The following BAZ2B variants were observed in gnomAD, a reference collection of about 807,000 sequenced individuals.
BAZ2B encodes bromodomain adjacent to zinc finger domain 2B, also known as bromodomain adjacent to zinc finger domain protein 2B.
Under a neutral mutation model 246.0 loss-of-function variants are expected in BAZ2B, and 91 were observed. The ratio of observed to expected loss-of-function variants is 0.37; its 90% CI spans 0.31 to 0.44. The LOEUF is 0.44. BAZ2B is among the 20% of genes least tolerant of loss of function. BAZ2B has a pLI of 1.00. For synonymous variants in BAZ2B, 855 were observed against 860.0 expected, an observed-to-expected ratio of 0.99 and a Z score of 0.10; for missense variants, 2,332 against 2,533.7, an observed-to-expected ratio of 0.92 and a Z score of 1.71.
rs771062641 is a variant in BAZ2B, at chr2:159,395,773, G to A, written c.3071C>T (p.Ala1024Val). The A allele has an allele frequency of 1.9e-6, 3 of 1,608,430 alleles. No homozygotes were observed. Among genetic ancestry groups the A allele is most frequent in the Non-Finnish European group, 2.6e-6 (3 of 1,176,206 alleles). Residue 1024 changes from alanine (A) to valine (V), a missense_variant, in exon 20 of 37, where the codon GCA becomes GTA. Ala to Val is a moderately conservative substitution (Grantham distance 64, BLOSUM62 0). Transcript: ENST00000392783. The stretch of plus-strand genomic sequence containing the variant: ...TTTCTAGAAACATACACTTACTTCT[G>A]CTTTTTTACGAGCTTCCATAGCTTT... ...LMKAMEARKK[A>V]EEKERLKQEK...
At chr2:159,621,804 AAAAATT>A in the BAZ2B span, among the ~76,000 whole-genome samples, 1 of 151,640 alleles carries the variant, frequency 6.6e-6, no homozygotes, top group Admixed American at 6.6e-5. Context: ...TCTCTACAAA[AAAAATT>A]AAAATTAGCT....
At chr2:159,451,646 A>G (rs1199391937) in intron 4 of BAZ2B, among the ~76,000 whole-genome samples, 2 of 152,168 alleles carry the variant, frequency 1.3e-5, no homozygotes, top group Non-Finnish European at 2.9e-5. Context: ...ATAATATACT[A>G]TGTTTATTCT....
At chr2:159,654,140 A>G in the BAZ2B span, among the ~76,000 whole-genome samples, 1 of 152,132 alleles carries the variant, frequency 6.6e-6, no homozygotes, top group Non-Finnish European at 1.5e-5. Context: ...AAAGAACTCA[A>G]CTCTCATTAC....
chr2:159,654,590 CTTCTTCAA>C, the BAZ2B span, among the ~76,000 whole-genome samples: 2 of 152,102 alleles, frequency 1.3e-5, no homozygotes, highest in African/African-American at 4.8e-5. Context: ...TATAAGTTTT[CTTCTTCAA>C]TGCTCTCTAT....
At chr2:159,574,120 GAC>G (rs752237787) in intron 1 of BAZ2B, among the ~76,000 whole-genome samples, 78 of 131,970 alleles carry the variant, frequency 5.9e-4, no homozygotes, top group South Asian at 2.6e-3. Flanking sequence ...GAGACTGACA[GAC>G]ACACACACAC....
the BAZ2B span, among the ~76,000 whole-genome samples, chr2:159,703,843 C>A: frequency 1.3e-5 from 2 of 152,036 alleles, no homozygotes; most frequent in Non-Finnish European, 2.9e-5. Flanking sequence ...CCAGCCTGGT[C>A]AACAGAACAA....
At chr2:159,682,385 T>C in the BAZ2B span, among the ~76,000 whole-genome samples, 11 of 151,948 alleles carry the variant, frequency 7.2e-5, no homozygotes, top group African/African-American at 2.4e-4. Context: ...CACTATATTG[T>C]CCAGGCTGGT....
chr2:159,429,245 C>T lies in BAZ2B; in HGVS notation c.2210G>A (p.Arg737Lys), dbSNP rs2070618693. ...CAGTTCACGTTCATCTGTTACTCTT[C>T]TTCTTTTGGAAGTGCCTTTAAAAAA... is the stretch of plus-strand genomic sequence containing the variant. Reference protein sequence around the residue: ...SSPHSGTSKRRRVTDERELRI... With the variant: ...SSPHSGTSKRKRVTDERELRI... Residue 737 changes from arginine (R) to lysine (K), a missense_variant, in exon 11 of 37, where the codon AGA becomes AAA. Arg to Lys is a conservative substitution (Grantham distance 26). Transcript: ENST00000392783. 3 of 1,547,510 alleles carry T rather than the reference C, an allele frequency of 1.9e-6. No individual in the cohort carries two copies. The South Asian group carries it at 3.9e-5, about 20-fold the overall frequency.
At chr2:159,434,827 T>C (rs570772440) in intron 8 of BAZ2B, 5 of 152,160 alleles carry the variant, frequency 3.3e-5, no homozygotes, top group African/African-American at 9.6e-5. Flanking sequence ...TTTAGAAAAA[T>C]ACAATTTTCT....
At chr2:159,681,364 A>G in the BAZ2B span, among the ~76,000 whole-genome samples, 3 of 152,054 alleles carry the variant, frequency 2.0e-5, no homozygotes, top group Non-Finnish European at 4.4e-5. Context: ...TCAAAAGAGG[A>G]TAATAAATTA....
At chr2:159,603,370 C>A (rs561166467) in intron 1 of BAZ2B, among the ~76,000 whole-genome samples, 1 of 152,300 alleles carries the variant, frequency 6.6e-6, no homozygotes, top group South Asian at 2.1e-4. Flanking sequence ...GGAGGCATTT[C>A]TGTTAGAAGA....
At chr2:159,663,716 A>G in the BAZ2B span, among the ~76,000 whole-genome samples, 1 of 151,028 alleles carries the variant, frequency 6.6e-6, no homozygotes, top group South Asian at 2.1e-4. Context: ...ACGGGGTTTC[A>G]CTATGTTGGC....
At chr2:159,498,984 G>A (rs1017840077) in intron 2 of BAZ2B, among the ~76,000 whole-genome samples, 3 of 151,898 alleles carry the variant, frequency 2.0e-5, no homozygotes, top group African/African-American at 4.8e-5. Context: ...TACCTAACAG[G>A]AGGCATGCTA....
At chr2:159,385,091 A>G in intron 23 of BAZ2B, 64 bp downstream of exon 23, 1 of 1,483,908 alleles carries the variant, frequency 6.7e-7, no homozygotes. Context: ...ATCAATTTGT[A>G]TTACTTTTTG....
At chr2:159,610,384 T>G (rs937033768) in intron 1 of BAZ2B, among the ~76,000 whole-genome samples, 2 of 152,216 alleles carry the variant, frequency 1.3e-5, no homozygotes, top group Non-Finnish European at 2.9e-5. Context: ...AGTTAAGAGC[T>G]TCAGTACACC....
chr2:159,449,963 G>C (rs924392530), intron 4 of BAZ2B, among the ~76,000 whole-genome samples: 2 of 152,092 alleles, frequency 1.3e-5, no homozygotes. Context: ...TTGAGGCCAG[G>C]AATTTGAGAT....
intron 2 of BAZ2B, among the ~76,000 whole-genome samples, chr2:159,546,562 T>C (rs1004585338): frequency 6.6e-6 from 1 of 150,454 alleles, no homozygotes; most frequent in African/African-American, 2.5e-5. Context: ...CACTCTGATG[T>C]CATCAGGCTT....
upstream of BAZ2B, among the ~76,000 whole-genome samples, chr2:159,619,546 TAA>T (rs997549208): frequency 1.3e-5 from 2 of 150,606 alleles, no homozygotes; most frequent in Non-Finnish European, 3.0e-5. Context: ...ATAAAAATAA[TAA>T]AAACTTTAAT....
intron 1 of BAZ2B, among the ~76,000 whole-genome samples, chr2:159,573,470 A>C (rs1312214785): frequency 6.6e-6 from 1 of 152,246 alleles, no homozygotes; most frequent in Non-Finnish European, 1.5e-5. Flanking sequence ...ATGTAAAAGA[A>C]GGAAACTGGA....
Sources: allele counts gnomAD v4.1 joint callset (sites outside exome capture counted in the v4.1 genomes callset), GRCh38; gene constraint gnomAD v4.1.1; transcripts MANE v1.5; gene names NCBI Gene and HGNC (gene_info 2026-07-23, HGNC 2026-07-21).